Variants in MACROD2 observed in about 807,000 individuals in gnomAD.
MACROD2 encodes the protein ADP-ribose glycohydrolase MACROD2.
A neutral mutation model predicts 70.4 loss-of-function variants in MACROD2; 36 were observed. The ratio of observed to expected loss-of-function variants is 0.51; its 90% CI spans 0.39 to 0.68. MACROD2 has a LOEUF of 0.68. Ranked by LOEUF, MACROD2 falls within the 30% of genes least tolerant of loss-of-function variation. MACROD2 has a pLI of 0.00. For missense variants in MACROD2, 496 were observed against 538.4 expected (o/e 0.92, Z 0.78); for synonymous variants, 172 against 178.8 (o/e 0.96, Z 0.30).
chr20:15,493,339 C>T (rs1181867413), intron 7 of MACROD2, among the ~76,000 whole-genome samples: 1 of 152,136 alleles, frequency 6.6e-6, no homozygotes, highest in Non-Finnish European at 1.5e-5. Context: ...TATTATTATA[C>T]CAACATTATG....
intron 3 of MACROD2, among the ~76,000 whole-genome samples, chr20:14,268,036 C>A (rs2082158257): frequency 6.6e-6 from 1 of 151,958 alleles, no homozygotes; most frequent in Non-Finnish European, 1.5e-5. Context: ...ATAAATAATT[C>A]AAATATATAC....
intron 8 of MACROD2, among the ~76,000 whole-genome samples, chr20:15,833,053 A>G (rs1291412282): frequency 1.3e-5 from 2 of 151,416 alleles, no homozygotes; most frequent in Non-Finnish European, 3.0e-5. Context: ...AATTATCTGG[A>G]AAAAAGTCTC....
At chr20:14,452,945 A>G (rs1053949625) in intron 3 of MACROD2, among the ~76,000 whole-genome samples, 1 of 152,092 alleles carries the variant, frequency 6.6e-6, no homozygotes, top group Middle Eastern at 3.2e-3. Flanking sequence ...GGTTGCTGCA[A>G]TCTCCTGCAG....
chr20:15,686,468 T>C (rs995199181), intron 8 of MACROD2, among the ~76,000 whole-genome samples: 3 of 152,136 alleles, frequency 2.0e-5, no homozygotes, highest in African/African-American at 7.2e-5. Flanking sequence ...TTAATATATC[T>C]ACCTATCTAG....
intron 3 of MACROD2, among the ~76,000 whole-genome samples, chr20:14,462,428 A>G (rs939552033): frequency 2.0e-5 from 3 of 151,952 alleles, no homozygotes; most frequent in African/African-American, 7.3e-5. Context: ...TAGATTCTGG[A>G]TATAAGCCCT....
chr20:14,802,418 C>G (rs976716078), intron 5 of MACROD2, among the ~76,000 whole-genome samples: 1 of 151,934 alleles, frequency 6.6e-6, no homozygotes, highest in Admixed American at 6.6e-5. Flanking sequence ...TAAATTTTCC[C>G]TTCTGCTATA....
chr20:15,710,194 CAAAAAAAAAA>C (rs67656339), intron 8 of MACROD2, among the ~76,000 whole-genome samples: 2 of 102,648 alleles, frequency 1.9e-5, no homozygotes, highest in Admixed American at 1.0e-4. Context: ...ATCAAAAAGA[CAAAAAAAAAA>C]AAAAAAAAAC....
At chr20:14,263,168 A>G (rs138292581) in intron 3 of MACROD2, among the ~76,000 whole-genome samples, 144 of 152,294 alleles carry the variant, frequency 9.5e-4, no homozygotes, top group African/African-American at 3.3e-3. Flanking sequence ...ATACATATGG[A>G]CATGGATAGG....
intron 8 of MACROD2, among the ~76,000 whole-genome samples, chr20:15,719,490 A>G (rs1020629879): frequency 1.3e-5 from 2 of 152,198 alleles, no homozygotes; most frequent in Non-Finnish European, 2.9e-5. Flanking sequence ...ATCTCCTCAC[A>G]GATTCCTCCA....
At chr20:15,311,503 A>C (rs561637792) in intron 6 of MACROD2, among the ~76,000 whole-genome samples, 1 of 152,346 alleles carries the variant, frequency 6.6e-6, no homozygotes, top group African/African-American at 2.4e-5. Flanking sequence ...TAACAGCACT[A>C]TTCACAAAAG....
chr20:15,055,190 T>TC (rs1456866004), intron 5 of MACROD2, among the ~76,000 whole-genome samples: 4 of 152,182 alleles, frequency 2.6e-5, no homozygotes, highest in Non-Finnish European at 5.9e-5. Flanking sequence ...CCTCAAGTGA[T>TC]CCGCCCACCT....
chr20:14,698,980 A>T (rs1331383457), intron 5 of MACROD2, among the ~76,000 whole-genome samples: 1 of 152,066 alleles, frequency 6.6e-6, no homozygotes, highest in Non-Finnish European at 1.5e-5. Context: ...CTCATATTTC[A>T]TATTTAATAT....
chr20:14,197,676 A>G (rs564015096), intron 3 of MACROD2, among the ~76,000 whole-genome samples: 2 of 152,168 alleles, frequency 1.3e-5, no homozygotes, highest in African/African-American at 4.8e-5. Flanking sequence ...CTGAGACAGG[A>G]CAATTGCTTG....
intron 5 of MACROD2, among the ~76,000 whole-genome samples, chr20:14,889,899 A>G (rs1568856549): frequency 1.3e-5 from 2 of 152,170 alleles, no homozygotes; most frequent in African/African-American, 4.8e-5. Context: ...GGGGAGGATG[A>G]CATGGCATAG....
chr20:15,537,145 T>G (rs2047886933), intron 8 of MACROD2, among the ~76,000 whole-genome samples: 1 of 152,304 alleles, frequency 6.6e-6, no homozygotes, highest in East Asian at 1.9e-4. Flanking sequence ...ATACTATTCT[T>G]GTGGTAGTGA....
chr20:15,002,393 T>C (rs970220569), intron 5 of MACROD2, among the ~76,000 whole-genome samples: 1 of 152,242 alleles, frequency 6.6e-6, no homozygotes, highest in African/African-American at 2.4e-5. Flanking sequence ...TTCATATCTT[T>C]TTTGGCCATT....
intron 6 of MACROD2, among the ~76,000 whole-genome samples, chr20:15,411,054 A>C (rs182305042): frequency 6.6e-6 from 1 of 152,014 alleles, no homozygotes; most frequent in Non-Finnish European, 1.5e-5. Flanking sequence ...AACTTATGCT[A>C]TTCAATAATA....
chr20:14,911,293 C>T (rs2074024209), intron 5 of MACROD2, among the ~76,000 whole-genome samples: 1 of 152,184 alleles, frequency 6.6e-6, no homozygotes, highest in African/African-American at 2.4e-5. Context: ...TTAACATTAT[C>T]TACTCACAAA....
At chr20:15,184,938 T>C (rs1204168153) in intron 5 of MACROD2, among the ~76,000 whole-genome samples, 1 of 152,184 alleles carries the variant, frequency 6.6e-6, no homozygotes, top group Admixed American at 6.5e-5. Context: ...GGAGCTGTTG[T>C]TTCAGTAGGG....
Sources: allele counts gnomAD v4.1 joint callset (sites outside exome capture counted in the v4.1 genomes callset), GRCh38; gene constraint gnomAD v4.1.1; transcripts MANE v1.5; gene names NCBI Gene and HGNC (gene_info 2026-07-23, HGNC 2026-07-21).